The following ASIC2 variants were observed in gnomAD, a reference collection of about 807,000 sequenced individuals.
ASIC2 encodes acid-sensing ion channel 2.
A neutral mutation model predicts 57.3 loss-of-function variants in ASIC2; 25 were observed. The observed-to-expected ratio is 0.44, with a 90% CI of 0.32 to 0.61. ASIC2 has a LOEUF of 0.61. ASIC2 is among the 20% of genes least tolerant of loss of function. ASIC2 has a pLI of 0.06. For missense variants in ASIC2, 641 were observed against 738.1 expected (o/e 0.87, Z 1.52); for synonymous variants, 319 against 307.5 (o/e 1.04, Z -0.39).
chr17:34,019,673 G>A (rs1907088352), intron 1 of ASIC2, among the ~76,000 whole-genome samples: 1 of 152,188 alleles, frequency 6.6e-6, no homozygotes, highest in Non-Finnish European at 1.5e-5. Flanking sequence ...ACAGTATAGT[G>A]TAACAATAAC....
chr17:33,582,842 A>C (rs1197973171), intron 1 of ASIC2, among the ~76,000 whole-genome samples: 3 of 152,204 alleles, frequency 2.0e-5, no homozygotes, highest in Non-Finnish European at 4.4e-5. Context: ...CATTAAGAAC[A>C]TTCTTTATTT....
intron 1 of ASIC2, among the ~76,000 whole-genome samples, chr17:33,222,608 C>T (rs946576931): frequency 6.6e-6 from 1 of 152,140 alleles, no homozygotes; most frequent in African/African-American, 2.4e-5. Context: ...TTAAGCAGAG[C>T]AATTGAGAGG....
At chr17:33,972,205 A>G (rs1905244853) in intron 1 of ASIC2, among the ~76,000 whole-genome samples, 1 of 152,250 alleles carries the variant, frequency 6.6e-6, no homozygotes, top group African/African-American at 2.4e-5. Context: ...TGATGTCTTA[A>G]GGATGGAGAG....
chr17:34,113,090 C>T (rs1171211725), intron 1 of ASIC2, among the ~76,000 whole-genome samples: 1 of 152,136 alleles, frequency 6.6e-6, no homozygotes. Flanking sequence ...GTGGAATCTT[C>T]ATCTGGGCTC....
At chr17:33,109,528 T>A (rs982047750) in intron 2 of ASIC2, among the ~76,000 whole-genome samples, 7 of 152,184 alleles carry the variant, frequency 4.6e-5, no homozygotes, top group Admixed American at 2.6e-4. Context: ...CTCCCAGGGA[T>A]GACTCAAACT....
chr17:33,073,922 GA>G (rs764516361), intron 3 of ASIC2, among the ~76,000 whole-genome samples: 26 of 152,164 alleles, frequency 1.7e-4, no homozygotes, highest in Admixed American at 9.8e-4. Context: ...AGAAGAGGGA[GA>G]GGGGAGAGAG....
chr17:33,141,690 A>G (rs2142018298), intron 1 of ASIC2, among the ~76,000 whole-genome samples: 1 of 152,308 alleles, frequency 6.6e-6, no homozygotes, highest in East Asian at 1.9e-4. Context: ...CTCCCAGCAG[A>G]TATAATTCCC....
chr17:33,271,091 G>T (rs903535588), intron 1 of ASIC2, among the ~76,000 whole-genome samples: 1 of 152,134 alleles, frequency 6.6e-6, no homozygotes, highest in Non-Finnish European at 1.5e-5. Flanking sequence ...CCTGTCCTTT[G>T]TTGGCAGCTT....
At chr17:33,104,151 G>A (rs1417921301) in intron 2 of ASIC2, among the ~76,000 whole-genome samples, 4 of 152,032 alleles carry the variant, frequency 2.6e-5, no homozygotes, top group Non-Finnish European at 5.9e-5. Flanking sequence ...ATCTATTTAC[G>A]GTTGTCTTTT....
intron 1 of ASIC2, among the ~76,000 whole-genome samples, chr17:34,060,950 C>T (rs1908949209): frequency 1.3e-5 from 2 of 152,114 alleles, no homozygotes; most frequent in Admixed American, 6.5e-5. Context: ...GACAACTTCC[C>T]TGGCCTTGCG....
intron 1 of ASIC2, among the ~76,000 whole-genome samples, chr17:33,755,028 G>C (rs1229942343): frequency 2.0e-5 from 3 of 147,948 alleles, no homozygotes; most frequent in Non-Finnish European, 4.5e-5. Context: ...TAACAAAAAG[G>C]ACTTTGCTGA....
intron 1 of ASIC2, among the ~76,000 whole-genome samples, chr17:33,971,213 A>G (rs925159644): frequency 6.6e-6 from 1 of 152,156 alleles, no homozygotes; most frequent in Non-Finnish European, 1.5e-5. Context: ...CGGCTGTGCT[A>G]GCGGCACACC....
chr17:33,320,104 C>G (rs1214200682), intron 1 of ASIC2, among the ~76,000 whole-genome samples: 1 of 152,136 alleles, frequency 6.6e-6, no homozygotes, highest in Non-Finnish European at 1.5e-5. Context: ...AGAAGCCACA[C>G]CAGCCTCAGC....
chr17:33,370,081 C>T (rs997594084), intron 1 of ASIC2, among the ~76,000 whole-genome samples: 13 of 152,120 alleles, frequency 8.5e-5, no homozygotes, highest in African/African-American at 2.9e-4. Flanking sequence ...ATTTCCAGTG[C>T]CTGCTGATGG....
At chr17:34,083,576 T>C (rs1194325133) in intron 1 of ASIC2, among the ~76,000 whole-genome samples, 1 of 152,130 alleles carries the variant, frequency 6.6e-6, no homozygotes, top group East Asian at 1.9e-4. Context: ...TTTCTAGTTC[T>C]AGATCCCTGA....
chr17:33,703,328 T>TC (rs1357733574), intron 1 of ASIC2, among the ~76,000 whole-genome samples: 1 of 151,946 alleles, frequency 6.6e-6, no homozygotes, highest in African/African-American at 2.4e-5. Flanking sequence ...TTTCTTTTTT[T>TC]TTTTGTTGCT....
At chr17:34,137,921 C>A (rs990725447) in intron 1 of ASIC2, among the ~76,000 whole-genome samples, 6 of 152,122 alleles carry the variant, frequency 3.9e-5, no homozygotes, top group Non-Finnish European at 7.4e-5. Flanking sequence ...ATACCATCAG[C>A]TTGGGGTTAA....
intron 1 of ASIC2, among the ~76,000 whole-genome samples, chr17:33,496,663 G>C (rs1364946032): frequency 7.6e-6 from 1 of 131,648 alleles, no homozygotes; most frequent in African/African-American, 3.0e-5. Context: ...TGTCGCCCAG[G>C]CTGGAGTGCA....
At chr17:33,046,343 TTGGAATA>T (rs2091954764) in intron 3 of ASIC2, among the ~76,000 whole-genome samples, 1 of 152,168 alleles carries the variant, frequency 6.6e-6, no homozygotes, top group South Asian at 2.1e-4. Context: ...TGGGTCCAGG[TTGGAATA>T]TTTGCTTAAT....
Sources: allele counts gnomAD v4.1 joint callset (sites outside exome capture counted in the v4.1 genomes callset), GRCh38; gene constraint gnomAD v4.1.1; transcripts MANE v1.5; gene names NCBI Gene and HGNC (gene_info 2026-07-23, HGNC 2026-07-21).